Variants in GRID2 observed in about 807,000 individuals in gnomAD.
The protein encoded by GRID2 is glutamate ionotropic receptor delta type subunit 2.
In GRID2, 33 loss-of-function variants were observed where a neutral mutation model predicts 114.8. The observed-to-expected ratio is 0.29, with a 90% CI of 0.22 to 0.38. The LOEUF (loss-of-function observed/expected upper bound fraction) is 0.38, where lower values mean the gene tolerates loss of function less well. Ranked by LOEUF, GRID2 falls within the 10% of genes least tolerant of loss-of-function variation. The pLI, the probability that GRID2 is intolerant of heterozygous loss-of-function variation, is 1.00. For missense variants in GRID2, 1,184 were observed against 1,257.7 expected, an observed-to-expected ratio of 0.94 and a Z score of 0.89; for synonymous variants, 505 against 449.9, an observed-to-expected ratio of 1.12 and a Z score of -1.55.
chr4:92,885,151 C>G, intron 2 of GRID2: 1 of 266,324 alleles, frequency 3.8e-6, no homozygotes, highest in East Asian at 1.1e-4. Context: ...TGTGTAATCA[C>G]TAATACGACA....
chr4:92,753,503 G>T (rs1737556316), intron 2 of GRID2, among the ~76,000 whole-genome samples: 1 of 152,188 alleles, frequency 6.6e-6, no homozygotes, highest in East Asian at 1.9e-4. Context: ...TTTTCATAGA[G>T]TGGCGTTTGT....
At chr4:93,010,472 T>C (rs1340831488) in intron 2 of GRID2, among the ~76,000 whole-genome samples, 3 of 151,952 alleles carry the variant, frequency 2.0e-5, no homozygotes, top group Admixed American at 1.3e-4. Context: ...CTGGGGAAGG[T>C]ACATGGAAAG....
At chr4:93,418,267 T>C (rs1371536199) in intron 9 of GRID2, among the ~76,000 whole-genome samples, 1 of 151,932 alleles carries the variant, frequency 6.6e-6, no homozygotes, top group Non-Finnish European at 1.5e-5. Context: ...ATTCTTGCTT[T>C]AGGATTTTCT....
At chr4:93,216,958 C>T (rs1176331252) in intron 6 of GRID2, 47 bp downstream of exon 6, 1 of 1,326,756 alleles carries the variant, frequency 7.5e-7, no homozygotes, top group Non-Finnish European at 1.1e-6. Context: ...CTTTGTTGGG[C>T]AATTGCAAGG....
intron 2 of GRID2, among the ~76,000 whole-genome samples, chr4:92,832,083 T>C (rs1346621404): frequency 1.3e-5 from 2 of 151,892 alleles, no homozygotes; most frequent in Non-Finnish European, 2.9e-5. Context: ...ATATATAAAA[T>C]AAGTAAGGTA....
intron 14 of GRID2, among the ~76,000 whole-genome samples, chr4:93,686,226 C>T (rs1171093974): frequency 6.6e-6 from 1 of 151,950 alleles, no homozygotes; most frequent in African/African-American, 2.4e-5. Context: ...TCACACTCAC[C>T]TTCTCTCCTG....
chr4:92,625,198 A>C (rs1052049452), intron 2 of GRID2, among the ~76,000 whole-genome samples: 6 of 151,620 alleles, frequency 4.0e-5, no homozygotes, highest in African/African-American at 1.5e-4. Flanking sequence ...GACTATATTA[A>C]TTTTTTCTTT....
chr4:93,732,561 A>T (rs560440391), intron 14 of GRID2, among the ~76,000 whole-genome samples: 1 of 152,128 alleles, frequency 6.6e-6, no homozygotes, highest in South Asian at 2.1e-4. Context: ...CACTCAACTC[A>T]TCCATGACTT....
intron 2 of GRID2, among the ~76,000 whole-genome samples, chr4:93,036,899 A>T (rs1724982670): frequency 6.6e-6 from 1 of 152,184 alleles, no homozygotes; most frequent in Non-Finnish European, 1.5e-5. Context: ...ACTTGATAAC[A>T]TAGGATAAAC....
At chr4:92,342,237 A>C (rs1727533117) in intron 1 of GRID2, among the ~76,000 whole-genome samples, 1 of 152,180 alleles carries the variant, frequency 6.6e-6, no homozygotes, top group Admixed American at 6.5e-5. Context: ...CAATATCATC[A>C]GGAGACTTAA....
intron 1 of GRID2, among the ~76,000 whole-genome samples, chr4:93,805,695 C>A (rs953114676): frequency 6.6e-6 from 1 of 152,212 alleles, no homozygotes; most frequent in African/African-American, 2.4e-5. Flanking sequence ...TTTGTGTCCA[C>A]ATTCAGGGTT....
chr4:92,459,746 G>A (rs1482954059), intron 1 of GRID2, among the ~76,000 whole-genome samples: 1 of 151,746 alleles, frequency 6.6e-6, no homozygotes, highest in African/African-American at 2.4e-5. Flanking sequence ...GTTTAATAAA[G>A]CATTTCTCTA....
chr4:93,607,685 C>G (rs570347313), intron 13 of GRID2, among the ~76,000 whole-genome samples: 1 of 152,192 alleles, frequency 6.6e-6, no homozygotes, highest in South Asian at 2.1e-4. Flanking sequence ...CATACATCTC[C>G]ACCAGCAATA....
intron 2 of GRID2, among the ~76,000 whole-genome samples, chr4:93,010,232 A>G (rs951495731): frequency 6.6e-6 from 1 of 152,068 alleles, no homozygotes; most frequent in African/African-American, 2.4e-5. Flanking sequence ...ATTATATGAT[A>G]CAGTTTCATT....
chr4:92,690,056 T>G (rs1734102107), intron 2 of GRID2, among the ~76,000 whole-genome samples: 1 of 152,038 alleles, frequency 6.6e-6, no homozygotes, highest in South Asian at 2.1e-4. Flanking sequence ...TTTACTGGAG[T>G]CACCCTTAAA....
intron 1 of GRID2, among the ~76,000 whole-genome samples, chr4:92,466,217 A>T (rs1721744403): frequency 6.6e-6 from 1 of 151,876 alleles, no homozygotes. Context: ...TTTATAATTT[A>T]CTTGTGTTGG....
At chr4:92,518,399 G>A (rs1294924479) in intron 1 of GRID2, among the ~76,000 whole-genome samples, 1 of 151,846 alleles carries the variant, frequency 6.6e-6, no homozygotes, top group African/African-American at 2.4e-5. Flanking sequence ...AGTGCATTTG[G>A]TTGAGCACTG....
intron 11 of GRID2, among the ~76,000 whole-genome samples, chr4:93,468,613 T>C (rs964486686): frequency 1.3e-5 from 2 of 152,084 alleles, no homozygotes; most frequent in African/African-American, 4.8e-5. Context: ...AAGGTTCTGC[T>C]TGAAGAGGCC....
intron 2 of GRID2, among the ~76,000 whole-genome samples, chr4:92,804,844 C>T (rs1470643272): frequency 6.6e-6 from 1 of 151,962 alleles, no homozygotes; most frequent in African/African-American, 2.4e-5. Flanking sequence ...AATTTAATAA[C>T]CTAATTTAAT....
Sources: gnomAD v4.1 joint callset for allele counts (sites outside exome capture counted in the v4.1 genomes callset) on GRCh38, gnomAD v4.1.1 for gene constraint, MANE v1.5 for transcripts, NCBI Gene and HGNC (gene_info 2026-07-23, HGNC 2026-07-21) for gene names.